ZNF644: variants seen among roughly 807,000 people sequenced by gnomAD.
ZNF644 encodes zinc finger motif enhancer binding protein 2.
In ZNF644, 20 loss-of-function variants were observed where a neutral mutation model predicts 108.0. The observed-to-expected ratio is 0.19, with a 90% confidence interval of 0.13 to 0.27. The LOEUF is 0.27. Among genes scored for constraint, ZNF644 ranks in the 10% least tolerant of loss-of-function variants. The pLI, the probability that ZNF644 is intolerant of heterozygous loss-of-function variation, is 1.00. For missense variants in ZNF644, 1,338 were observed against 1,548.9 expected, an observed-to-expected ratio of 0.86 and a Z score of 2.29; for synonymous variants, 542 against 539.1, an observed-to-expected ratio of 1.01 and a Z score of -0.08.
chr1:90,970,995 T>C (rs1292890079), intron 2 of ZNF644, among the ~76,000 whole-genome samples: 2 of 116,432 alleles, frequency 1.7e-5, no homozygotes, highest in African/African-American at 6.1e-5. Context: ...CGAGACTCCA[T>C]TTCAAAAAAA....
intron 2 of ZNF644, among the ~76,000 whole-genome samples, chr1:90,975,883 G>A (rs1308686597): frequency 6.6e-6 from 1 of 152,116 alleles, no homozygotes; most frequent in East Asian, 1.9e-4. Flanking sequence ...ACCCTTAAGT[G>A]TAACATTAGA....
At position 90,916,567 on chromosome 1, in the gene ZNF644, C is replaced by T. The variant is rs1450732184; in HGVS notation, c.*231G>A. Reference sequence around the variant, plus strand: ...GTACTGCTCTTTTACTGAGTGAACACAGTTAACCAACAAAACTTCATAAAC... The same window carrying T: ...GTACTGCTCTTTTACTGAGTGAACATAGTTAACCAACAAAACTTCATAAAC... On this transcript the variant is annotated 3_prime_UTR_variant, in exon 6 of 6. Coordinates refer to ENST00000337393, the MANE Select transcript of ZNF644 (RefSeq NM_201269.3). 1.3e-5 allele frequency: 7 copies of T among 532,136 alleles called. No homozygotes were observed. Among genetic ancestry groups the T allele is most frequent in the Non-Finnish European group, 2.3e-5 (7 of 299,434 alleles). 33.0% of individuals were successfully genotyped at this position (532,136 alleles called of 1,614,324 possible). A position where few individuals can be genotyped will look rare whatever the true frequency, so the allele number is the denominator to read the frequency against.
At chr1:90,985,610 A>G (rs899025217) in intron 1 of ZNF644, among the ~76,000 whole-genome samples, 5 of 152,186 alleles carry the variant, frequency 3.3e-5, no homozygotes, top group African/African-American at 9.7e-5. Context: ...CTCCAGGTTC[A>G]TCCATGTTGT....
chr1:90,930,593 T>G (rs1319869572), intron 4 of ZNF644, among the ~76,000 whole-genome samples: 1 of 152,158 alleles, frequency 6.6e-6, no homozygotes, highest in East Asian at 1.9e-4. Context: ...AGTGACTTCT[T>G]AAGTGGGTAG....
At chr1:90,930,108 G>A (rs1370197278) in intron 4 of ZNF644, among the ~76,000 whole-genome samples, 1 of 152,186 alleles carries the variant, frequency 6.6e-6, no homozygotes, top group African/African-American at 2.4e-5. Context: ...CCAACATGGA[G>A]AAACCCCATC....
intron 4 of ZNF644, among the ~76,000 whole-genome samples, chr1:90,933,056 A>G (rs1650918434): frequency 6.6e-6 from 1 of 152,218 alleles, no homozygotes; most frequent in Non-Finnish European, 1.5e-5. Flanking sequence ...TCTCTCTGAT[A>G]ATGAAGATTT....
At chr1:90,930,278 C>G (rs558458473) in intron 4 of ZNF644, among the ~76,000 whole-genome samples, 1 of 152,294 alleles carries the variant, frequency 6.6e-6, no homozygotes, top group East Asian at 1.9e-4. Context: ...TAGAGTGAAA[C>G]TCCGTCTCAC....
rs540151717 is a variant in ZNF644, at chr1:90,918,366, G to A, written c.3689-212C>T. ...GTACAGCGGTATTATCTGTACTGAA[G>A]AATACTATCTGTATTCTTCCTATAC... is the stretch of plus-strand genomic sequence containing the variant. On this transcript the variant is annotated intron_variant, in intron 4 of 5. Transcript: ENST00000337393. 9.7e-4 allele frequency: 541 copies of A among 560,218 alleles called. 1 individual carries two copies. The highest frequency in any genetic ancestry group is 1.5e-3 in the South Asian group (73 of 49,480). The allele number at this position is 560,218 out of a possible 1,614,324, so 34.7% of individuals were successfully genotyped here. A position where few individuals can be genotyped will look rare whatever the true frequency, so the allele number is the denominator to read the frequency against.
rs1648776743 is a variant in ZNF644 at position 90,916,509 on chromosome 1, C to A, written c.*289G>T. On this transcript the variant is annotated 3_prime_UTR_variant, in exon 6 of 6. Coordinates refer to ENST00000337393, the MANE Select transcript of ZNF644 (RefSeq NM_201269.3). ...TCCAATAAGTCTGTCTATAAGTATCCATGTGCAACAGTTTATTAATGGCTG... is the reference window on the plus strand; with the variant it reads ...TCCAATAAGTCTGTCTATAAGTATCAATGTGCAACAGTTTATTAATGGCTG... 5.0e-6 allele frequency: 2 copies of A among 400,480 alleles called. No homozygotes were observed. Among genetic ancestry groups the A allele is most frequent in the East Asian group, 5.3e-5 (1 of 18,942 alleles). The allele number at this position is 400,480 out of a possible 1,614,324, so 24.8% of individuals were successfully genotyped here.
chr1:90,985,093 T>C (rs1372595958), intron 1 of ZNF644, among the ~76,000 whole-genome samples: 1 of 152,082 alleles, frequency 6.6e-6, no homozygotes, highest in Non-Finnish European at 1.5e-5. Context: ...CTCTCCAAAA[T>C]CTGAAAAAAA....
Position 90,938,423 on chromosome 1 carries a change from C to G in ZNF644, c.2931G>C (p.Gly977=), listed in dbSNP as rs1307199562. 6.2e-7 allele frequency: 1 copy of G among 1,613,944 alleles called. No individual in the cohort carries two copies. The highest frequency in any genetic ancestry group is 1.7e-5 in the Admixed American group (1 of 59,988). Residue 977 remains glycine (G), a synonymous_variant, in exon 3 of 6, where the codon GGG becomes GGC. Coordinates refer to ENST00000337393, the MANE Select transcript of ZNF644 (RefSeq NM_201269.3). This position sits in a 1 kb window ranked among gnomAD's most constrained non-coding sequence, Gnocchi z 4.2. ...GATGCCCCCTGACATGATTTGATAACCCAACACCTGTTTCAAATGTTGCTG... is the reference window on the plus strand; with the variant it reads ...GATGCCCCCTGACATGATTTGATAAGCCAACACCTGTTTCAAATGTTGCTG... ...YCPATFETGV[G]LSNHVRGHLH...
chr1:90,935,243 T>C (rs1289914647), intron 4 of ZNF644, among the ~76,000 whole-genome samples: 1 of 152,218 alleles, frequency 6.6e-6, no homozygotes, highest in Non-Finnish European at 1.5e-5. Context: ...TTGCTTAGAA[T>C]TACATCTAAC....
chr1:91,000,379 GA>G, intron 1 of ZNF644, among the ~76,000 whole-genome samples: 1 of 152,236 alleles, frequency 6.6e-6, no homozygotes, highest in East Asian at 1.9e-4. Context: ...TCAGGATTAA[GA>G]AACTCACTCA....
intron 2 of ZNF644, chr1:90,973,317 CTTATG>C (rs1374820774): frequency 6.6e-6 from 1 of 151,932 alleles, no homozygotes; most frequent in Non-Finnish European, 1.5e-5. Context: ...TGTAGTATTT[CTTATG>C]TTATTTCACT....
rs1651616915 is a variant in ZNF644, at chr1:90,938,733, A to G, written c.2621T>C (p.Ile874Thr). 6.2e-7 allele frequency: 1 copy of G among 1,613,890 alleles called. No individual in the cohort carries two copies. The highest frequency in any genetic ancestry group is 8.5e-7 in the Non-Finnish European group (1 of 1,179,880). The change falls in exon 3 of 6, where the codon ATA becomes ACA. Residue 874 changes from isoleucine to threonine, a missense_variant. Ile to Thr is a moderately conservative substitution (Grantham distance 89). Around this residue, in one of 6 missense-constraint regions of ZNF644, gnomAD observed 462 missense variants for 472.6 expected, o/e 0.98. Coordinates refer to ENST00000337393, the MANE Select transcript of ZNF644 (RefSeq NM_201269.3). The surrounding 1 kb of genome is among the most constrained non-coding windows in gnomAD (Gnocchi z 4.2). ...AATATCACTATAGGTTTCATCTTCT[A>G]TGGCCTGTGTAGTGTAGTCTCCTAA... is the stretch of plus-strand genomic sequence containing the variant. ...VELGDYTTQA[I>T]EDETYSDINQ...
At chr1:91,013,941 A>C (rs1482864948) in intron 1 of ZNF644, among the ~76,000 whole-genome samples, 1 of 152,194 alleles carries the variant, frequency 6.6e-6, no homozygotes, top group African/African-American at 2.4e-5. Flanking sequence ...TTATTTTTTG[A>C]TGTGGCTATA....
chr1:90,918,991 A>C (rs1398383040), intron 4 of ZNF644, among the ~76,000 whole-genome samples: 1 of 152,132 alleles, frequency 6.6e-6, no homozygotes, highest in African/African-American at 2.4e-5. Flanking sequence ...AAAAAAAAAA[A>C]TTAAAATAGA....
In ZNF644 at chr1:90,966,504, C is replaced by T. The variant is rs563571604; in HGVS notation, c.44+15806G>A. Reference sequence around the variant, plus strand: ...GTGGCTCATGCCTGTAATCCCAGCACTTTGGGAGGCTAAGGCAGGCAGATC... The same window carrying T: ...GTGGCTCATGCCTGTAATCCCAGCATTTTGGGAGGCTAAGGCAGGCAGATC... On this transcript the variant is annotated intron_variant, in intron 2 of 5. Coordinates refer to ENST00000337393, the MANE Select transcript of ZNF644 (RefSeq NM_201269.3). 4.6e-5 allele frequency among the ~76,000 whole-genome samples: 7 copies of T among 152,216 alleles called. No homozygotes were observed. The East Asian group carries it at 1.2e-3, about 25-fold the overall frequency.
intron 2 of ZNF644, among the ~76,000 whole-genome samples, chr1:90,947,825 A>G (rs1396268170): frequency 6.6e-6 from 1 of 152,156 alleles, no homozygotes; most frequent in Non-Finnish European, 1.5e-5. Context: ...TAGCCTACTT[A>G]TACATACTTA....
Sources: gnomAD v4.1 joint callset for allele counts (sites outside exome capture counted in the v4.1 genomes callset) on GRCh38, gnomAD v4.1.1 for gene constraint, gnomAD v4.1.1 regional missense constraint, Gnocchi (gnomAD v3.1) non-coding constraint, MANE v1.5 for transcripts, NCBI Gene and HGNC (gene_info 2026-07-23, HGNC 2026-07-21) for gene names.